GREM2: variants seen among roughly 807,000 people sequenced by gnomAD.
GREM2 encodes the protein gremlin 2, DAN family BMP antagonist.
GREM2 carries 11 observed loss-of-function variants against 14.2 expected under a neutral mutation model. That is an observed-to-expected ratio of 0.78 (90% CI 0.49 to 1.28). GREM2 has a LOEUF of 1.28. Ranked by LOEUF, GREM2 falls within the 50% of genes most tolerant of loss-of-function variation. GREM2 has a pLI of 0.00. For missense variants in GREM2, 210 were observed against 218.5 expected, an observed-to-expected ratio of 0.96 and a Z score of 0.24; for synonymous variants, 98 against 97.6, an observed-to-expected ratio of 1.00 and a Z score of -0.02.
At chr1:240,523,389 C>T (rs1417791889) in intron 1 of GREM2, among the ~76,000 whole-genome samples, 1 of 152,196 alleles carries the variant, frequency 6.6e-6, no homozygotes, top group Non-Finnish European at 1.5e-5. Context: ...TAGTAGCATT[C>T]CTGGCTTCCA....
At chr1:240,611,791 C>T (rs993525665) in intron 1 of GREM2, 93 bp downstream of exon 1, 1 of 152,594 alleles carries the variant, frequency 6.6e-6, no homozygotes, top group Non-Finnish European at 1.5e-5. Flanking sequence ...TGACCAGCCA[C>T]GGAACAAACA....
intron 1 of GREM2, among the ~76,000 whole-genome samples, chr1:240,553,819 A>G (rs1427657656): frequency 6.6e-6 from 1 of 152,200 alleles, no homozygotes; most frequent in Non-Finnish European, 1.5e-5. Context: ...TCCATGGAAA[A>G]TACTCCACAC....
At chr1:240,546,026 C>T (rs1678708550) in intron 1 of GREM2, among the ~76,000 whole-genome samples, 1 of 152,128 alleles carries the variant, frequency 6.6e-6, no homozygotes, top group Admixed American at 6.5e-5. Context: ...CAGACTCTTC[C>T]AATTTCTCTA....
Position 240,591,824 on chromosome 1 carries a change from C to A in GREM2, c.-2+20060G>T, listed in dbSNP as rs1679721617. Among the ~76,000 whole-genome samples the A allele has an allele frequency of 2.0e-5, 3 of 152,110 alleles. No individual in the cohort carries two copies. The South Asian group carries it at 6.2e-4, about 31-fold the overall frequency. On this transcript the variant is annotated intron_variant, in intron 1 of 1. Coordinates refer to ENST00000318160, the MANE Select transcript of GREM2 (RefSeq NM_022469.4). The stretch of plus-strand genomic sequence containing the variant: ...TGAGTTAGTAGGCCCAGTACCTTCC[C>A]TGGCAATCTGGTTTCCTGATTTGCT...
chr1:240,552,560 A>C (rs1209054947), intron 1 of GREM2, among the ~76,000 whole-genome samples: 1 of 152,198 alleles, frequency 6.6e-6, no homozygotes, highest in Non-Finnish European at 1.5e-5. Flanking sequence ...GGGCCACTGC[A>C]CTCCAGCAGA....
intron 1 of GREM2, among the ~76,000 whole-genome samples, chr1:240,610,295 GA>G (rs928908123): frequency 1.1e-4 from 16 of 142,710 alleles, no homozygotes; most frequent in African/African-American, 3.9e-4. Flanking sequence ...GATGTAAAAG[GA>G]AAAAAAATTT....
chr1:240,518,364 C>T (rs141917544), intron 1 of GREM2, among the ~76,000 whole-genome samples: 1 of 152,154 alleles, frequency 6.6e-6, no homozygotes, highest in South Asian at 2.1e-4. Flanking sequence ...GAAATATTAT[C>T]ATCCATCAAT....
intron 1 of GREM2, among the ~76,000 whole-genome samples, chr1:240,587,234 A>C (rs542765116): frequency 6.6e-6 from 1 of 152,302 alleles, no homozygotes; most frequent in South Asian, 2.1e-4. Context: ...ATGTACTCCC[A>C]GATTTTTAGG....
chr1:240,537,324 T>C (rs1678494799), intron 1 of GREM2, among the ~76,000 whole-genome samples: 1 of 152,018 alleles, frequency 6.6e-6, no homozygotes, highest in Non-Finnish European at 1.5e-5. Context: ...ATATAGTTAG[T>C]TGTGGAGGGA....
Position 240,492,938 on chromosome 1 carries a change from G to A in GREM2, c.*31C>T, listed in dbSNP as rs1264112389. 1.4e-6 allele frequency: 2 copies of A among 1,429,330 alleles called. No individual in the cohort carries two copies. Among genetic ancestry groups the A allele is most frequent in the Non-Finnish European group, 9.2e-7 (1 of 1,090,418 alleles). 88.5% of individuals were successfully genotyped at this position (1,429,330 alleles called of 1,614,324 possible). A position where few individuals can be genotyped will look rare whatever the true frequency, so the allele number is the denominator to read the frequency against. On this transcript the variant is annotated 3_prime_UTR_variant, in exon 2 of 2. Coordinates refer to ENST00000318160, the MANE Select transcript of GREM2 (RefSeq NM_022469.4). ...GCGGCGCCACCCAGCGGCCGGGCGC[G>A]CGCGGGGCTGAGCTGCGTCCGGCCC...
chr1:240,603,498 A>G (rs576784735), intron 1 of GREM2, among the ~76,000 whole-genome samples: 1 of 151,598 alleles, frequency 6.6e-6, no homozygotes, highest in Non-Finnish European at 1.5e-5. Flanking sequence ...TCTCCCATCC[A>G]TCTCCCATCC....
At chr1:240,537,667 C>T (rs2103322218) in intron 1 of GREM2, among the ~76,000 whole-genome samples, 1 of 152,230 alleles carries the variant, frequency 6.6e-6, no homozygotes, top group Middle Eastern at 3.4e-3. Flanking sequence ...TGCCTGTAAT[C>T]CCAGCTACTC....
At chr1:240,590,397 G>A (rs1679683780) in intron 1 of GREM2, among the ~76,000 whole-genome samples, 1 of 151,154 alleles carries the variant, frequency 6.6e-6, no homozygotes, top group South Asian at 2.1e-4. Context: ...GCTCTTTATG[G>A]GTTTGAGGAT....
intron 1 of GREM2, among the ~76,000 whole-genome samples, chr1:240,571,432 G>A (rs1342774073): frequency 2.6e-5 from 4 of 152,166 alleles, no homozygotes; most frequent in Non-Finnish European, 5.9e-5. Context: ...GGTGGCTCAC[G>A]CCTGTAATCC....
chr1:240,506,990 C>T (rs1677688023), intron 1 of GREM2, among the ~76,000 whole-genome samples: 1 of 152,178 alleles, frequency 6.6e-6, no homozygotes, highest in African/African-American at 2.4e-5. Flanking sequence ...ATCTAGGTAG[C>T]TGCTTCAGGC....
At chr1:240,593,798 G>C (rs1240438717) in intron 1 of GREM2, among the ~76,000 whole-genome samples, 3 of 151,984 alleles carry the variant, frequency 2.0e-5, no homozygotes, top group Non-Finnish European at 4.4e-5. Context: ...TAAAAGGGCT[G>C]ACACGACCTT....
intron 1 of GREM2, among the ~76,000 whole-genome samples, chr1:240,548,942 A>C (rs967938930): frequency 2.0e-5 from 3 of 152,236 alleles, no homozygotes; most frequent in Admixed American, 6.5e-5. Flanking sequence ...AAGAATAATG[A>C]CTGAACAAAA....
chr1:240,594,134 T>C (rs1679768327), intron 1 of GREM2, among the ~76,000 whole-genome samples: 2 of 152,020 alleles, frequency 1.3e-5, no homozygotes, highest in African/African-American at 4.8e-5. Context: ...TTTGATTTTT[T>C]GTAGAGATCG....
intron 1 of GREM2, among the ~76,000 whole-genome samples, chr1:240,504,412 G>A (rs749295461): frequency 1.3e-4 from 20 of 152,170 alleles, no homozygotes; most frequent in Admixed American, 6.5e-5. Context: ...GAGTACAAGG[G>A]TAGTTTTAGG....
Sources: gnomAD v4.1 joint callset for allele counts (sites outside exome capture counted in the v4.1 genomes callset) on GRCh38, gnomAD v4.1.1 for gene constraint, MANE v1.5 for transcripts, NCBI Gene and HGNC (gene_info 2026-07-23, HGNC 2026-07-21) for gene names.